Variants in ANKRD62 observed in about 807,000 individuals in gnomAD.
ANKRD62 encodes ankyrin repeat domain 62, also known as ankyrin repeat domain-containing protein 62.
Under a neutral mutation model 98.8 loss-of-function variants are expected in ANKRD62, and 61 were observed. The observed-to-expected ratio is 0.62, with a 90% CI of 0.50 to 0.76. ANKRD62 has a LOEUF of 0.76. Among genes scored for constraint, ANKRD62 ranks in the 30% least tolerant of loss-of-function variants. The pLI is 0.00. For missense variants in ANKRD62, 933 were observed against 1,082.9 expected (o/e 0.86, Z 1.94); for synonymous variants, 341 against 367.9 (o/e 0.93, Z 0.84).
chr18:12,096,115 T>C (rs780957069), intron 3 of ANKRD62, 81 bp from the exon 4 acceptor site: 38 of 939,278 alleles, frequency 4.0e-5, no homozygotes, highest in Non-Finnish European at 5.4e-5. Context: ...TTTAAGTTCA[T>C]AGGATCTTAA....
the ANKRD62 span, among the ~76,000 whole-genome samples, chr18:12,169,131 A>G: frequency 1.3e-5 from 2 of 152,036 alleles, no homozygotes; most frequent in Non-Finnish European, 2.9e-5. Flanking sequence ...TTATTTCTTT[A>G]TCTTGCCTGA....
chr18:12,136,103 C>G, the ANKRD62 span, among the ~76,000 whole-genome samples: 1 of 152,122 alleles, frequency 6.6e-6, no homozygotes, highest in Non-Finnish European at 1.5e-5. Context: ...GTGTTTTAGT[C>G]ATGAAGTCCT....
At chr18:12,126,891 A>C (rs9303760) in intron 13 of ANKRD62, among the ~76,000 whole-genome samples, 93,288 of 151,984 alleles carry the variant, frequency 0.61, 29,075 homozygotes, top group Middle Eastern at 0.76. Context: ...TTTTATTTTT[A>C]TTCATGTCAA....
chr18:12,121,022 T>C (rs1468349873), intron 10 of ANKRD62, among the ~76,000 whole-genome samples: 3 of 152,212 alleles, frequency 2.0e-5, no homozygotes. Context: ...TCTGTCTTTG[T>C]TCCTTTCTAT....
chr18:12,162,455 T>C, the ANKRD62 span, among the ~76,000 whole-genome samples: 2 of 152,162 alleles, frequency 1.3e-5, no homozygotes, highest in African/African-American at 4.8e-5. Context: ...GCAGATATTT[T>C]CTCCCATTCT....
chr18:12,107,254 A>G, intron 7 of ANKRD62, 41 bp from the exon 8 acceptor site: 1 of 1,377,086 alleles, frequency 7.3e-7, no homozygotes, highest in Non-Finnish European at 9.4e-7. Flanking sequence ...CTATTGGATA[A>G]AATAATGACA....
chr18:12,145,918 T>A, the ANKRD62 span, among the ~76,000 whole-genome samples: 1 of 152,268 alleles, frequency 6.6e-6, no homozygotes, highest in East Asian at 1.9e-4. Flanking sequence ...CCGTTTCTCT[T>A]CACTTTGTAG....
chr18:12,125,572 A>G lies in ANKRD62; in HGVS notation c.1751A>G (p.Glu584Gly). 3 of 1,529,136 alleles carry G rather than the reference A, an allele frequency of 2.0e-6. No individual in the cohort carries two copies. The highest frequency in any genetic ancestry group is 2.6e-6 in the Non-Finnish European group (3 of 1,144,686). The allele number at this position is 1,529,136 out of a possible 1,614,324, so 94.7% of individuals were successfully genotyped here. Residue 584 changes from glutamate to glycine, a missense_variant, in exon 13 of 14, where the codon GAA becomes GGA. Transcript: ENST00000587848. ...GACACAATAAAACATCAGAACCAGG[A>G]AACTGAAAATAAATATTTCAAAGAT... Reference protein sequence around the residue: ...EIDTIKHQNQETENKYFKDIE... With the variant: ...EIDTIKHQNQGTENKYFKDIE...
intron 1 of ANKRD62, 115 bp from the exon 2 acceptor site, chr18:12,095,056 A>G: frequency 5.0e-6 from 4 of 796,732 alleles, no homozygotes; most frequent in Admixed American, 2.3e-5. Flanking sequence ...AAAAGTAACT[A>G]TTTGTTCTGA....
the ANKRD62 span, among the ~76,000 whole-genome samples, chr18:12,138,207 A>G: frequency 6.6e-6 from 1 of 152,142 alleles, no homozygotes; most frequent in African/African-American, 2.4e-5. Flanking sequence ...CCCTCTACAC[A>G]CTGCTTTAAA....
At chr18:12,113,043 C>T (rs1414326565) in intron 8 of ANKRD62, among the ~76,000 whole-genome samples, 1 of 152,094 alleles carries the variant, frequency 6.6e-6, no homozygotes, top group East Asian at 1.9e-4. Context: ...TACAGGCATG[C>T]CCTACCACAC....
chr18:12,139,568 C>A, the ANKRD62 span, among the ~76,000 whole-genome samples: 1 of 152,024 alleles, frequency 6.6e-6, no homozygotes, highest in African/African-American at 2.4e-5. Context: ...ATGGTGTGAA[C>A]CCGGGAGGCA....
At chr18:12,123,534 T>C (rs1909825320) in intron 11 of ANKRD62, among the ~76,000 whole-genome samples, 1 of 152,218 alleles carries the variant, frequency 6.6e-6, no homozygotes, top group Admixed American at 6.5e-5. Context: ...GATTTTAAAA[T>C]TGTTTGTAAA....
intron 5 of ANKRD62, chr18:12,098,336 A>G (rs1909226461): frequency 6.6e-6 from 1 of 152,324 alleles, no homozygotes; most frequent in African/African-American, 2.4e-5. Context: ...GCCATTAGTC[A>G]GAATTATCTG....
At chr18:12,102,214 G>T in intron 6 of ANKRD62, 1 of 809,566 alleles carries the variant, frequency 1.2e-6, no homozygotes, top group Non-Finnish European at 2.2e-6. Flanking sequence ...CAGAGCCAAG[G>T]ATTCAAATAA....
At chr18:12,139,277 G>A in the ANKRD62 span, among the ~76,000 whole-genome samples, 1 of 152,134 alleles carries the variant, frequency 6.6e-6, no homozygotes, top group Non-Finnish European at 1.5e-5. Context: ...TGTCTGTAAA[G>A]TATTTTATTT....
chr18:12,093,918 G>A lies in ANKRD62; in HGVS notation c.-100G>A, dbSNP rs1909103970. ...CTGACGGAGGTTGCGGCTGGACCTGGTTACGTGCTGGTGCTGCGCTCCAGA... is the reference window on the plus strand; with the variant it reads ...CTGACGGAGGTTGCGGCTGGACCTGATTACGTGCTGGTGCTGCGCTCCAGA... On this transcript the variant is annotated 5_prime_UTR_variant, in exon 1 of 14. Transcript: ENST00000587848. 2.5e-6 allele frequency: 3 copies of A among 1,198,764 alleles called. No individual in the cohort carries two copies. The highest frequency in any genetic ancestry group is 2.4e-6 in the Non-Finnish European group (2 of 850,916). 74.3% of individuals were successfully genotyped at this position (1,198,764 alleles called of 1,614,324 possible).
At chr18:12,097,411 A>G (rs1050048537) in intron 4 of ANKRD62, among the ~76,000 whole-genome samples, 2 of 152,172 alleles carry the variant, frequency 1.3e-5, no homozygotes, top group African/African-American at 4.8e-5. Flanking sequence ...AACTTCTGCT[A>G]TGTCATATCC....
intron 11 of ANKRD62, among the ~76,000 whole-genome samples, chr18:12,123,480 G>T (rs1909824445): frequency 6.6e-6 from 1 of 152,200 alleles, no homozygotes; most frequent in African/African-American, 2.4e-5. Flanking sequence ...GGCAGATATT[G>T]TTCTTTATTG....
Sources: gnomAD v4.1 joint callset for allele counts (sites outside exome capture counted in the v4.1 genomes callset) on GRCh38, gnomAD v4.1.1 for gene constraint, MANE v1.5 for transcripts, NCBI Gene and HGNC (gene_info 2026-07-23, HGNC 2026-07-21) for gene names.